Variants in KCNK2 observed in about 807,000 individuals in gnomAD.
KCNK2 encodes potassium channel subfamily K member 2.
KCNK2 carries 21 observed loss-of-function variants against 40.5 expected under a neutral mutation model. The observed-to-expected ratio is 0.52, with a 90% CI of 0.37 to 0.75. The LOEUF is 0.75. Among genes scored for constraint, KCNK2 ranks in the 30% least tolerant of loss-of-function variants. The pLI, the probability that KCNK2 is intolerant of heterozygous loss-of-function variation, is 0.00. For missense variants in KCNK2, 399 were observed against 531.6 expected (o/e 0.75, Z 2.45); for synonymous variants, 191 against 202.2 (o/e 0.94, Z 0.47).
At chr1:215,036,099 T>C (rs1477148598) in intron 1 of KCNK2, among the ~76,000 whole-genome samples, 1 of 151,700 alleles carries the variant, frequency 6.6e-6, no homozygotes, top group Non-Finnish European at 1.5e-5. Context: ...AAAAAATCTT[T>C]GCCTACTTCA....
intron 6 of KCNK2, among the ~76,000 whole-genome samples, chr1:215,230,585 TAATA>T (rs1558150420): frequency 8.9e-5 from 1 of 11,262 alleles, no homozygotes. Flanking sequence ...TACAAGACCG[TAATA>T]TATATATATA....
At chr1:215,099,678 A>G (rs1181273670) in intron 2 of KCNK2, among the ~76,000 whole-genome samples, 1 of 152,008 alleles carries the variant, frequency 6.6e-6, no homozygotes, top group Admixed American at 6.6e-5. Flanking sequence ...ACCCCATCAC[A>G]TGACCACACA....
intron 1 of KCNK2, among the ~76,000 whole-genome samples, chr1:215,043,277 C>A (rs998337796): frequency 6.6e-6 from 1 of 152,178 alleles, no homozygotes; most frequent in East Asian, 1.9e-4. Context: ...TACCATTGAT[C>A]CAGCAATTTC....
At chr1:215,080,448 T>C (rs899982471), upstream of KCNK2, among the ~76,000 whole-genome samples, 2 of 152,200 alleles carry the variant, frequency 1.3e-5, no homozygotes, top group East Asian at 3.8e-4. Context: ...ATATAGTGAA[T>C]TCATCTCATT....
intron 3 of KCNK2, among the ~76,000 whole-genome samples, chr1:215,131,050 C>T (rs992052719): frequency 6.6e-6 from 1 of 150,744 alleles, no homozygotes; most frequent in Non-Finnish European, 1.5e-5. Context: ...TTAGTAGAGA[C>T]GGGGTTTCAC....
chr1:215,014,258 CCCACTTAACTGTAAGACAGTTCT>C (rs995298136), intron 1 of KCNK2, among the ~76,000 whole-genome samples: 5 of 151,870 alleles, frequency 3.3e-5, no homozygotes, highest in Admixed American at 1.3e-4. Context: ...CAGGATTAAC[CCCACTTAACTGTAAGACAGTTCT>C]CTTGTTTGCA....
chr1:215,068,565 A>T (rs921829242), intron 1 of KCNK2, among the ~76,000 whole-genome samples: 1 of 152,232 alleles, frequency 6.6e-6, no homozygotes, highest in Non-Finnish European at 1.5e-5. Flanking sequence ...TGGGGTAGAT[A>T]CAAAAACAAA....
intron 1 of KCNK2, among the ~76,000 whole-genome samples, chr1:215,024,716 A>C (rs1162828116): frequency 6.6e-6 from 1 of 152,120 alleles, no homozygotes; most frequent in Non-Finnish European, 1.5e-5. Context: ...ACAAAACAAA[A>C]CATCTCAGCA....
At chr1:215,161,605 G>A (rs1308138205) in intron 3 of KCNK2, among the ~76,000 whole-genome samples, 1 of 151,006 alleles carries the variant, frequency 6.6e-6, no homozygotes, top group African/African-American at 2.4e-5. Flanking sequence ...AGGCCCCAGT[G>A]TGTGATGTTC....
chr1:215,161,771 G>A (rs1380483047), intron 3 of KCNK2, among the ~76,000 whole-genome samples: 1 of 152,098 alleles, frequency 6.6e-6, no homozygotes, highest in African/African-American at 2.4e-5. Context: ...CTTTTTTATG[G>A]CTGCATAGTA....
chr1:215,130,327 C>T (rs1043996549), intron 3 of KCNK2, among the ~76,000 whole-genome samples: 18 of 152,116 alleles, frequency 1.2e-4, no homozygotes, highest in Admixed American at 9.2e-4. Context: ...CATAGAAGCT[C>T]CGTACCCCCT....
At chr1:215,078,115 G>A (rs1659014679), upstream of KCNK2, among the ~76,000 whole-genome samples, 1 of 152,166 alleles carries the variant, frequency 6.6e-6, no homozygotes, top group Admixed American at 6.6e-5. Context: ...TAGCTGATGA[G>A]CTAAAAGCAA....
At chr1:215,167,587 G>A (rs1207667374) in intron 3 of KCNK2, among the ~76,000 whole-genome samples, 1 of 151,998 alleles carries the variant, frequency 6.6e-6, no homozygotes, top group African/African-American at 2.4e-5. Context: ...AAACTGGAAA[G>A]GCTTTAAGAT....
intron 3 of KCNK2, among the ~76,000 whole-genome samples, chr1:215,157,842 T>C (rs932871077): frequency 2.6e-5 from 4 of 152,188 alleles, no homozygotes; most frequent in African/African-American, 9.6e-5. Flanking sequence ...TTAGTGTCTG[T>C]ATTCATTGGT....
chr1:215,076,178 C>T (rs911131482), intron 1 of KCNK2, among the ~76,000 whole-genome samples: 1 of 152,168 alleles, frequency 6.6e-6, no homozygotes, highest in Non-Finnish European at 1.5e-5. Context: ...TAAATTTTGG[C>T]CTTTGAAAAA....
In KCNK2 at chr1:215,007,119, A is replaced by G. The variant is rs183924468; in HGVS notation, c.34+1164A>G. On this transcript the variant is annotated intron_variant, in intron 1 of 6. Transcript: ENST00000391895. ...TATATGTATATATATGTGTGTATAT[A>G]TGTATATATATGTGTATATATATGT... Among the ~76,000 whole-genome samples the G allele has an allele frequency of 8.6e-3, 1,035 of 119,734 alleles. 51 individuals carry two copies. Among genetic ancestry groups the G allele is most frequent in the East Asian group, 0.033 (128 of 3,874 alleles). The allele number at this position is 119,734 out of a possible 152,430, so 78.6% of individuals were successfully genotyped here.
chr1:215,233,323 A>T (rs532772442), intron 6 of KCNK2, among the ~76,000 whole-genome samples: 2 of 152,082 alleles, frequency 1.3e-5, no homozygotes, highest in Non-Finnish European at 2.9e-5. Flanking sequence ...AAGGCCTGTT[A>T]AAATAAAAAA....
intron 1 of KCNK2, among the ~76,000 whole-genome samples, chr1:215,057,294 G>C (rs920448239): frequency 1.3e-5 from 2 of 151,514 alleles, no homozygotes; most frequent in Non-Finnish European, 2.9e-5. Flanking sequence ...GATGCAAAAT[G>C]ATCTTTTAAG....
Position 215,120,923 on chromosome 1 carries a change from G to T in KCNK2, c.358-3710G>T, listed in dbSNP as rs555728250. On this transcript the variant is annotated intron_variant, in intron 2 of 6. Coordinates refer to ENST00000444842, the MANE Select transcript of KCNK2 (RefSeq NM_001017425.3). Reference sequence around the variant, plus strand: ...TAAAGTTTTATGTCTTTTTTTGTTTGCTTGTTGTCATATTTTATTTAATTA... The same window carrying T: ...TAAAGTTTTATGTCTTTTTTTGTTTTCTTGTTGTCATATTTTATTTAATTA... Among the ~76,000 whole-genome samples the T allele has an allele frequency of 2.1e-3, 315 of 151,382 alleles. 2 individuals are homozygous for T. The highest frequency in any genetic ancestry group is 5.7e-3 in the Admixed American group (87 of 15,196).
Sources: allele counts gnomAD v4.1 joint callset (sites outside exome capture counted in the v4.1 genomes callset), GRCh38; gene constraint gnomAD v4.1.1; transcripts MANE v1.5; gene names NCBI Gene and HGNC (gene_info 2026-07-23, HGNC 2026-07-21).